The following TMEM266 variants were observed in gnomAD, a reference collection of about 807,000 sequenced individuals.
TMEM266 encodes Hv1 related protein 1.
A neutral mutation model predicts 50.5 loss-of-function variants in TMEM266; 33 were observed. The observed-to-expected ratio is 0.65, with a 90% CI of 0.50 to 0.87. The LOEUF (loss-of-function observed/expected upper bound fraction) is 0.87. Among genes scored for constraint, TMEM266 ranks in the 40% least tolerant of loss-of-function variants. The pLI is 0.00. For synonymous variants in TMEM266, 310 were observed against 292.3 expected, an observed-to-expected ratio of 1.06 and a Z score of -0.62; for missense variants, 655 against 695.1, an observed-to-expected ratio of 0.94 and a Z score of 0.65.
At chr15:76,156,498 C>A in intron 3 of TMEM266, 106 bp from the exon 4 acceptor site, 1 of 1,215,402 alleles carries the variant, frequency 8.2e-7, no homozygotes, top group Non-Finnish European at 1.2e-6. Flanking sequence ...GGAGAGAGCC[C>A]GGGAGGAGTG....
At chr15:76,193,484 G>C (rs1465370649) in intron 9 of TMEM266, among the ~76,000 whole-genome samples, 1 of 152,170 alleles carries the variant, frequency 6.6e-6, no homozygotes. Context: ...GCCATGGAAA[G>C]TGCTAGGTTT....
intron 3 of TMEM266, among the ~76,000 whole-genome samples, chr15:76,138,387 C>G (rs1429889981): frequency 6.6e-6 from 1 of 152,134 alleles, no homozygotes; most frequent in Admixed American, 6.5e-5. Context: ...GAAAAAGGCA[C>G]TGGGCACAGA....
At chr15:76,164,685 G>T (rs1284729309) in intron 5 of TMEM266, among the ~76,000 whole-genome samples, 1 of 152,232 alleles carries the variant, frequency 6.6e-6, no homozygotes, top group Admixed American at 6.5e-5. Flanking sequence ...TTAAGGAAGT[G>T]CCAGGGGTCA....
intron 7 of TMEM266, 132 bp from the exon 8 acceptor site, chr15:76,175,425 GAC>G (rs747806712): frequency 2.7e-5 from 18 of 655,066 alleles, no homozygotes; most frequent in Non-Finnish European, 4.0e-5. Context: ...CGGGTACCTG[GAC>G]ATTTCCCCTT....
intron 8 of TMEM266, among the ~76,000 whole-genome samples, chr15:76,177,156 C>T (rs1252472637): frequency 6.6e-6 from 1 of 152,244 alleles, no homozygotes; most frequent in African/African-American, 2.4e-5. Flanking sequence ...GGGCACTGGG[C>T]ACTCACTGCC....
chr15:76,147,025 T>A (rs2037767433), intron 3 of TMEM266, among the ~76,000 whole-genome samples: 1 of 152,080 alleles, frequency 6.6e-6, no homozygotes. Flanking sequence ...AGTGAATGGG[T>A]GGGGCTGCAT....
At chr15:76,067,931 C>T (rs373502822) in intron 1 of TMEM266, among the ~76,000 whole-genome samples, 1 of 152,154 alleles carries the variant, frequency 6.6e-6, no homozygotes, top group Non-Finnish European at 1.5e-5. Flanking sequence ...CAGCTCTCCC[C>T]ACCAGAGCCT....
At chr15:76,202,610 C>T (rs2038766160) in intron 10 of TMEM266, among the ~76,000 whole-genome samples, 1 of 152,160 alleles carries the variant, frequency 6.6e-6, no homozygotes, top group African/African-American at 2.4e-5. Context: ...ACAGTGGAGG[C>T]TGAGGTGCCA....
At chr15:76,141,244 T>G (rs1261845350) in intron 3 of TMEM266, among the ~76,000 whole-genome samples, 2 of 149,442 alleles carry the variant, frequency 1.3e-5, no homozygotes, top group Non-Finnish European at 3.0e-5. Flanking sequence ...TACTTTTTTT[T>G]TTTTTTTTTG....
chr15:76,073,012 A>G (rs1326342850), intron 1 of TMEM266, among the ~76,000 whole-genome samples: 1 of 151,726 alleles, frequency 6.6e-6, no homozygotes, highest in East Asian at 1.9e-4. Flanking sequence ...GCTCACTGCA[A>G]TCTCTGCCTC....
At chr15:76,169,056 C>T (rs72736833) in intron 5 of TMEM266, among the ~76,000 whole-genome samples, 3,069 of 152,312 alleles carry the variant, frequency 0.02, 53 homozygotes, top group Non-Finnish European at 0.031. Flanking sequence ...ACCCAGCAGG[C>T]TTTTGTCTTG....
intron 1 of TMEM266, among the ~76,000 whole-genome samples, chr15:76,070,321 C>G (rs1341677804): frequency 2.6e-5 from 4 of 152,154 alleles, no homozygotes; most frequent in Non-Finnish European, 4.4e-5. Flanking sequence ...CCAGGTTTTG[C>G]CTTCATATTG....
chr15:76,099,317 T>A (rs1207454339), intron 1 of TMEM266, among the ~76,000 whole-genome samples: 2 of 152,198 alleles, frequency 1.3e-5, no homozygotes, highest in Non-Finnish European at 2.9e-5. Flanking sequence ...CAGCTTCCCT[T>A]GGGTAGGGGA....
chr15:76,131,875 G>A (rs1167496068), intron 1 of TMEM266, among the ~76,000 whole-genome samples: 1 of 152,152 alleles, frequency 6.6e-6, no homozygotes, highest in Non-Finnish European at 1.5e-5. Context: ...CTCTGTCTCT[G>A]TTAATTCCAG....
At chr15:76,095,612 G>T (rs2036910945) in intron 1 of TMEM266, among the ~76,000 whole-genome samples, 1 of 151,998 alleles carries the variant, frequency 6.6e-6, no homozygotes, top group African/African-American at 2.4e-5. Flanking sequence ...TTGGTATCAG[G>T]ATGATGCTGG....
intron 1 of TMEM266, among the ~76,000 whole-genome samples, chr15:76,117,278 A>G (rs980252284): frequency 6.6e-5 from 10 of 152,034 alleles, no homozygotes; most frequent in Admixed American, 5.9e-4. Flanking sequence ...CTGTTATTAA[A>G]TCGACTTTTT....
chr15:76,096,901 T>G (rs979767102), intron 1 of TMEM266, among the ~76,000 whole-genome samples: 14 of 151,844 alleles, frequency 9.2e-5, no homozygotes, highest in African/African-American at 3.1e-4. Context: ...CTTTAAAGTC[T>G]GTCTTATCAG....
At chr15:76,164,739 C>T (rs1567172970) in intron 5 of TMEM266, among the ~76,000 whole-genome samples, 3 of 152,232 alleles carry the variant, frequency 2.0e-5, no homozygotes, top group Admixed American at 2.0e-4. Flanking sequence ...CTTAGACCAG[C>T]CTGCTCCCCT....
rs781444274 is a variant in TMEM266 at position 76,203,973 on chromosome 15, G to A, written c.1254G>A (p.Pro418=). 3.7e-5 allele frequency: 60 copies of A among 1,610,608 alleles called. No individual in the cohort carries two copies. Among genetic ancestry groups the A allele is most frequent in the Admixed American group, 1.2e-4 (7 of 59,918 alleles). ...EEPSSEPGPS[P]PPLPSQQQVE... ...ACTGCAGCACTGCCCGCGAGGAGCC[G>A]TCCTCTGAGCCCGGCCCTTCTCCCC... The change falls in exon 11 of 11, where the codon CCG becomes CCA. Residue 418 remains proline, a synonymous_variant. Coordinates refer to ENST00000388942, the MANE Select transcript of TMEM266 (RefSeq NM_152335.3).
Sources: allele counts gnomAD v4.1 joint callset (sites outside exome capture counted in the v4.1 genomes callset), GRCh38; gene constraint gnomAD v4.1.1; transcripts MANE v1.5; gene names NCBI Gene and HGNC (gene_info 2026-07-23, HGNC 2026-07-21).